FREM2: variants seen among roughly 807,000 people sequenced by gnomAD.
The protein encoded by FREM2 is FRAS1-related extracellular matrix protein 2.
FREM2 carries 119 observed loss-of-function variants against 219.9 expected under a neutral mutation model. That is an observed-to-expected ratio of 0.54 (90% CI 0.47 to 0.63). The LOEUF is 0.63. FREM2 is among the 30% of genes least tolerant of loss of function. The probability of loss-of-function intolerance (pLI) is 0.00; values close to 1 mark genes in which losing one functional copy is unlikely to be tolerated. For missense variants in FREM2, 4,030 were observed against 3,993.6 expected (o/e 1.01, Z -0.25); for synonymous variants, 1,562 against 1,522.8 (o/e 1.03, Z -0.60).
chr13:38,799,835 C>A (rs1252415274), intron 6 of FREM2, among the ~76,000 whole-genome samples: 2 of 151,864 alleles, frequency 1.3e-5, no homozygotes, highest in Admixed American at 1.3e-4. Context: ...TCTTTTTCCT[C>A]ACTTTATTTT....
intron 6 of FREM2, among the ~76,000 whole-genome samples, chr13:38,816,563 A>G (rs558857009): frequency 2.6e-5 from 4 of 152,324 alleles, no homozygotes; most frequent in Admixed American, 1.3e-4. Flanking sequence ...TTAGATTCAC[A>G]TGGTACTTAC....
chr13:38,722,434 A>G (rs969274109), intron 2 of FREM2, among the ~76,000 whole-genome samples: 9 of 152,178 alleles, frequency 5.9e-5, no homozygotes, highest in Non-Finnish European at 8.8e-5. Context: ...AAAACACTGG[A>G]TTTAAGAGAG....
chr13:38,789,558 C>CA (rs199614987), intron 6 of FREM2, among the ~76,000 whole-genome samples: 14 of 147,328 alleles, frequency 9.5e-5, no homozygotes, highest in African/African-American at 2.2e-4. Flanking sequence ...TCTGACTTTT[C>CA]AAAAAAAAAG....
chr13:38,833,812 C>G (rs1344999817), intron 6 of FREM2, among the ~76,000 whole-genome samples: 2 of 152,094 alleles, frequency 1.3e-5, no homozygotes, highest in African/African-American at 4.8e-5. Flanking sequence ...TGTGATCCCC[C>G]TCAAGAGTTG....
At chr13:38,790,472 A>G (rs1367004972) in intron 6 of FREM2, among the ~76,000 whole-genome samples, 2 of 152,164 alleles carry the variant, frequency 1.3e-5, no homozygotes, top group Non-Finnish European at 2.9e-5. Context: ...AAGGTTTTCA[A>G]GTATATCCTT....
At chr13:38,827,758 A>G (rs1268470890) in intron 6 of FREM2, among the ~76,000 whole-genome samples, 3 of 152,264 alleles carry the variant, frequency 2.0e-5, no homozygotes, top group South Asian at 2.1e-4. Flanking sequence ...AAGTGCAGTA[A>G]CTACTCAGTT....
chr13:38,741,960 C>T (rs1415426249), intron 2 of FREM2, among the ~76,000 whole-genome samples: 1 of 152,018 alleles, frequency 6.6e-6, no homozygotes, highest in Non-Finnish European at 1.5e-5. Context: ...GAAAAAAATA[C>T]ATGTTGAGCA....
intron 2 of FREM2, among the ~76,000 whole-genome samples, chr13:38,762,272 C>T (rs1382411022): frequency 6.6e-6 from 1 of 152,138 alleles, no homozygotes; most frequent in Non-Finnish European, 1.5e-5. Flanking sequence ...GTGGGTGGGC[C>T]TTGGACTCCA....
Position 38,881,147 on chromosome 13 carries a change from A to C in FREM2, c.*360A>C, listed in dbSNP as rs773600979. The C allele has an allele frequency of 9.3e-6, 3 of 324,184 alleles. No homozygotes were observed. The highest frequency in any genetic ancestry group is 3.1e-5 in the South Asian group (1 of 31,900). 20.1% of individuals were successfully genotyped at this position (324,184 alleles called of 1,614,324 possible). A position where few individuals can be genotyped will look rare whatever the true frequency, so the allele number is the denominator to read the frequency against. On this transcript the variant is annotated 3_prime_UTR_variant, in exon 24 of 24. Coordinates refer to ENST00000280481, the MANE Select transcript of FREM2 (RefSeq NM_207361.6). ...AGTGTAAGAGGAATCTACTGTTGCT[A>C]TGTTAGTGTGAATGTTGAAGGTGCA...
At chr13:38,785,494 C>T (rs180805707) in intron 6 of FREM2, among the ~76,000 whole-genome samples, 1 of 152,254 alleles carries the variant, frequency 6.6e-6, no homozygotes, top group Admixed American at 6.5e-5. Flanking sequence ...GATGGGACAC[C>T]CTAACCCTGG....
chr13:38,845,963 T>C (rs1877137257), intron 6 of FREM2, among the ~76,000 whole-genome samples: 1 of 152,192 alleles, frequency 6.6e-6, no homozygotes, highest in Non-Finnish European at 1.5e-5. Context: ...TTTAGTAAAG[T>C]CTCACTTGGT....
At chr13:38,716,800 G>A (rs549832293) in intron 2 of FREM2, among the ~76,000 whole-genome samples, 1 of 152,282 alleles carries the variant, frequency 6.6e-6, no homozygotes, top group East Asian at 1.9e-4. Flanking sequence ...GAGCCACCGC[G>A]CCTGGCCTGC....
chr13:38,817,487 G>A (rs1016390029), intron 6 of FREM2, among the ~76,000 whole-genome samples: 5 of 151,994 alleles, frequency 3.3e-5, no homozygotes, highest in African/African-American at 1.2e-4. Context: ...TCAATAAATG[G>A]TATTGGGAAA....
At chr13:38,700,035 T>C (rs1870281196) in intron 2 of FREM2, among the ~76,000 whole-genome samples, 1 of 152,126 alleles carries the variant, frequency 6.6e-6, no homozygotes, top group Non-Finnish European at 1.5e-5. Flanking sequence ...CAGCTTGCTT[T>C]CCAATCTGAT....
intron 4 of FREM2, among the ~76,000 whole-genome samples, chr13:38,777,731 A>T (rs1384283207): frequency 6.6e-6 from 1 of 152,174 alleles, no homozygotes; most frequent in Non-Finnish European, 1.5e-5. Flanking sequence ...CTTCCATTGT[A>T]TTTATAACGT....
chr13:38,830,950 C>G (rs578041402), intron 6 of FREM2, among the ~76,000 whole-genome samples: 2 of 152,252 alleles, frequency 1.3e-5, no homozygotes, highest in South Asian at 4.1e-4. Flanking sequence ...AAATCCTTGA[C>G]TCGGAGAAAT....
chr13:38,840,625 A>AATATATATATATATATATATATATAT (rs66795118), intron 6 of FREM2, among the ~76,000 whole-genome samples: 91 of 135,102 alleles, frequency 6.7e-4, no homozygotes, highest in African/African-American at 2.8e-3. Context: ...ATAAAACTAA[A>AATATATATATATATATATATATATAT]ATATATATAT....
chr13:38,706,018 T>A (rs570406656), intron 2 of FREM2, among the ~76,000 whole-genome samples: 1 of 152,152 alleles, frequency 6.6e-6, no homozygotes, highest in Non-Finnish European at 1.5e-5. Flanking sequence ...TTGTAAGTAG[T>A]TTAACTAATA....
Position 38,859,967 on chromosome 13 carries a change from G to A in FREM2, c.7519+377G>A, listed in dbSNP as rs570651792. Among the ~76,000 whole-genome samples the A allele has an allele frequency of 2.0e-5, 3 of 152,078 alleles. No homozygotes were observed. The East Asian group carries it at 5.8e-4, about 29-fold the overall frequency. ...TGGGTCAGGAAAGGCTTATCAAAGA[G>A]GGGAGGCTCAAGCTGAATCTGAAAA... On this transcript the variant is annotated intron_variant, in intron 14 of 23. Coordinates refer to ENST00000280481, the MANE Select transcript of FREM2 (RefSeq NM_207361.6).
Sources: gnomAD v4.1 joint callset for allele counts (sites outside exome capture counted in the v4.1 genomes callset) on GRCh38, gnomAD v4.1.1 for gene constraint, MANE v1.5 for transcripts, NCBI Gene and HGNC (gene_info 2026-07-23, HGNC 2026-07-21) for gene names.